COLEC12: variants seen among roughly 807,000 people sequenced by gnomAD.
COLEC12 encodes the protein collectin-12.
Under a neutral mutation model 71.1 loss-of-function variants are expected in COLEC12, and 33 were observed. That is an observed-to-expected ratio of 0.46 (90% CI 0.35 to 0.62). The LOEUF (loss-of-function observed/expected upper bound fraction) is 0.62. COLEC12 is among the 20% of genes least tolerant of loss of function. COLEC12 has a pLI of 0.00. For missense variants in COLEC12, 765 were observed against 916.1 expected, an observed-to-expected ratio of 0.84 and a Z score of 2.13; for synonymous variants, 350 against 353.0, an observed-to-expected ratio of 0.99 and a Z score of 0.10.
chr18:466,188 T>C (rs957484092), intron 2 of COLEC12, among the ~76,000 whole-genome samples: 4 of 152,072 alleles, frequency 2.6e-5, no homozygotes, highest in Admixed American at 2.0e-4. Flanking sequence ...TGCAGTGAGC[T>C]GAGATCGCAC....
chr18:375,656 C>T (rs1915098181), intron 2 of COLEC12, among the ~76,000 whole-genome samples: 1 of 152,206 alleles, frequency 6.6e-6, no homozygotes, highest in Non-Finnish European at 1.5e-5. Flanking sequence ...CACGACCACA[C>T]TTAGCTCTGT....
intron 2 of COLEC12, among the ~76,000 whole-genome samples, chr18:422,202 G>A (rs1320202150): frequency 6.6e-6 from 1 of 152,202 alleles, no homozygotes; most frequent in African/African-American, 2.4e-5. Context: ...TTAGGACTAC[G>A]TAATTTGCCA....
chr18:405,515 T>C (rs1472664226), intron 2 of COLEC12, among the ~76,000 whole-genome samples: 1 of 152,162 alleles, frequency 6.6e-6, no homozygotes, highest in Non-Finnish European at 1.5e-5. Context: ...CTCTTTGTAC[T>C]GTCTCTCTTT....
intron 2 of COLEC12, among the ~76,000 whole-genome samples, chr18:376,152 C>A (rs1198910719): frequency 6.6e-6 from 1 of 152,146 alleles, no homozygotes; most frequent in African/African-American, 2.4e-5. Context: ...TCCATTCTTT[C>A]TGGAACAACC....
chr18:493,405 C>A (rs1917653413), intron 1 of COLEC12, among the ~76,000 whole-genome samples: 1 of 152,140 alleles, frequency 6.6e-6, no homozygotes, highest in Non-Finnish European at 1.5e-5. Context: ...ATGTTGCTTG[C>A]CCTATTAATG....
chr18:478,274 T>A (rs1038588325), intron 2 of COLEC12, among the ~76,000 whole-genome samples: 1 of 152,140 alleles, frequency 6.6e-6, no homozygotes, highest in Non-Finnish European at 1.5e-5. Flanking sequence ...AAGGACTTAA[T>A]CTATCTGGGC....
chr18:492,868 G>A (rs1917644022), intron 1 of COLEC12, among the ~76,000 whole-genome samples: 1 of 152,150 alleles, frequency 6.6e-6, no homozygotes, highest in Admixed American at 6.5e-5. Flanking sequence ...AGAAGACTCT[G>A]AATTTGGTTT....
In COLEC12 at chr18:319,851, C is replaced by A. The variant is rs1020126948; in HGVS notation, c.*194G>T. The A allele has an allele frequency of 2.7e-5, 16 of 593,654 alleles. No homozygotes were observed. Among genetic ancestry groups the A allele is most frequent in the Non-Finnish European group, 4.5e-5 (15 of 336,320 alleles). The allele number at this position is 593,654 out of a possible 1,614,324, so 36.8% of individuals were successfully genotyped here. A position where few individuals can be genotyped will look rare whatever the true frequency, so the allele number is the denominator to read the frequency against. On this transcript the variant is annotated 3_prime_UTR_variant, in exon 10 of 10. Transcript: ENST00000400256. The stretch of plus-strand genomic sequence containing the variant: ...TGCACAATGAAAATCAGCATATCAC[C>A]CTGGGGAACATTTTAGTTCCCAAGT...
chr18:431,280 A>G (rs922366194), intron 2 of COLEC12, among the ~76,000 whole-genome samples: 1 of 152,102 alleles, frequency 6.6e-6, no homozygotes, highest in Non-Finnish European at 1.5e-5. Context: ...TGGGATTACA[A>G]GTGTGAGCTG....
intron 2 of COLEC12, among the ~76,000 whole-genome samples, chr18:432,381 C>T (rs1451190944): frequency 6.6e-6 from 1 of 152,094 alleles, no homozygotes. Context: ...GAAAAGGAAC[C>T]GATGTCTAGG....
chr18:470,792 G>T (rs1917180838), intron 2 of COLEC12, among the ~76,000 whole-genome samples: 1 of 152,082 alleles, frequency 6.6e-6, no homozygotes, highest in South Asian at 2.1e-4. Context: ...CTTTTAACAA[G>T]GGGAACAATA....
chr18:479,566 ACGCACACACACACT>A (rs1314892671), intron 2 of COLEC12, among the ~76,000 whole-genome samples: 1 of 151,336 alleles, frequency 6.6e-6, no homozygotes, highest in Admixed American at 6.6e-5. Context: ...ACACACAGAA[ACGCACACACACACT>A]CACTCACACA....
chr18:456,893 T>C (rs1212008972), intron 2 of COLEC12, among the ~76,000 whole-genome samples: 1 of 152,130 alleles, frequency 6.6e-6, no homozygotes, highest in Non-Finnish European at 1.5e-5. Context: ...CAGGCAGGAA[T>C]GCCTATATAC....
intron 1 of COLEC12, among the ~76,000 whole-genome samples, chr18:485,258 T>C (rs112843935): frequency 2.5e-3 from 382 of 152,292 alleles, no homozygotes; most frequent in African/African-American, 8.6e-3. Context: ...TCAGTCTCTT[T>C]AGCAACTTAA....
chr18:431,515 T>C (rs1916304300), intron 2 of COLEC12, among the ~76,000 whole-genome samples: 1 of 152,054 alleles, frequency 6.6e-6, no homozygotes, highest in Non-Finnish European at 1.5e-5. Context: ...ACTGCGGAGG[T>C]GGAAGAAGAC....
At chr18:418,763 C>T (rs1916037872) in intron 2 of COLEC12, among the ~76,000 whole-genome samples, 1 of 152,208 alleles carries the variant, frequency 6.6e-6, no homozygotes, top group Non-Finnish European at 1.5e-5. Flanking sequence ...AAAGGGGAGA[C>T]ATGAATAATC....
chr18:500,501 GC>G lies in COLEC12; in HGVS notation c.7+6del. ...CCCAGAGCCCCGCGGAGCTGCCGCC[GC>G]CCTACCTTTCATGGTGACCGTGGGG... On this transcript the variant is annotated splice_donor_region_variant and intron_variant, in intron 1 of 9. Coordinates refer to ENST00000400256, the MANE Select transcript of COLEC12 (RefSeq NM_130386.3). This position sits in a 1 kb window ranked among gnomAD's most constrained non-coding sequence, Gnocchi z 5.3. 8.1e-7 allele frequency: 1 copy of G among 1,227,844 alleles called. No individual in the cohort carries two copies. The highest frequency in any genetic ancestry group is 1.0e-6 in the Non-Finnish European group (1 of 985,128). The allele number at this position is 1,227,844 out of a possible 1,614,324, so 76.1% of individuals were successfully genotyped here.
At chr18:328,217 T>G (rs1025120732) in intron 8 of COLEC12, among the ~76,000 whole-genome samples, 1 of 152,220 alleles carries the variant, frequency 6.6e-6, no homozygotes, top group Non-Finnish European at 1.5e-5. Flanking sequence ...TGCGATGATC[T>G]GTTCCAGAAA....
intron 1 of COLEC12, among the ~76,000 whole-genome samples, chr18:496,369 T>G (rs1353134794): frequency 6.6e-6 from 1 of 152,138 alleles, no homozygotes; most frequent in African/African-American, 2.4e-5. Flanking sequence ...AGATTAAGAA[T>G]GTCAAGCATT....
Sources: gnomAD v4.1 joint callset for allele counts (sites outside exome capture counted in the v4.1 genomes callset) on GRCh38, gnomAD v4.1.1 for gene constraint, Gnocchi (gnomAD v3.1) non-coding constraint, MANE v1.5 for transcripts, NCBI Gene and HGNC (gene_info 2026-07-23, HGNC 2026-07-21) for gene names.